The following PHF24 variants were observed in gnomAD, a reference collection of about 807,000 sequenced individuals.
PHF24 encodes the protein Galpha inhibitory interacting protein.
In PHF24, 25 loss-of-function variants were observed where a neutral mutation model predicts 42.6. The observed-to-expected ratio is 0.59, with a 90% CI of 0.43 to 0.82. PHF24 has a LOEUF of 0.82. PHF24 is among the 40% of genes least tolerant of loss of function. PHF24 has a pLI of 0.00. For synonymous variants in PHF24, 185 were observed against 204.8 expected, an observed-to-expected ratio of 0.90 and a Z score of 0.83; for missense variants, 470 against 538.1, an observed-to-expected ratio of 0.87 and a Z score of 1.25.
the PHF24 span, among the ~76,000 whole-genome samples, chr9:34,727,870 C>T: frequency 6.6e-6 from 1 of 152,326 alleles, no homozygotes. Context: ...CCCCACTCTT[C>T]CCTGGCAACC....
At chr9:34,810,037 C>T in the PHF24 span, among the ~76,000 whole-genome samples, 1 of 151,384 alleles carries the variant, frequency 6.6e-6, no homozygotes, top group African/African-American at 2.4e-5. Flanking sequence ...CCGCCCACGC[C>T]TCAACTCGGC....
chr9:34,708,112 C>T, the PHF24 span, among the ~76,000 whole-genome samples: 1 of 152,108 alleles, frequency 6.6e-6, no homozygotes, highest in African/African-American at 2.4e-5. Flanking sequence ...ATGGCTTCTA[C>T]TCTCCCCGCC....
At chr9:34,900,054 T>G in the PHF24 span, among the ~76,000 whole-genome samples, 1 of 152,126 alleles carries the variant, frequency 6.6e-6, no homozygotes, top group East Asian at 1.9e-4. Context: ...CACTCAAAAT[T>G]TGATTGAATT....
the PHF24 span, among the ~76,000 whole-genome samples, chr9:34,768,621 G>T: frequency 1.3e-5 from 2 of 152,150 alleles, no homozygotes; most frequent in African/African-American, 4.8e-5. Flanking sequence ...GCGTACGTTG[G>T]TGGCTATAAT....
chr9:34,890,669 C>T, the PHF24 span, among the ~76,000 whole-genome samples: 12 of 152,208 alleles, frequency 7.9e-5, no homozygotes. Context: ...CTTTAGACTC[C>T]TAAAGGATCC....
the PHF24 span, among the ~76,000 whole-genome samples, chr9:34,676,264 C>T: frequency 6.6e-6 from 1 of 152,204 alleles, no homozygotes; most frequent in Non-Finnish European, 1.5e-5. Context: ...TGGCTCATGC[C>T]TGTAATCCCA....
chr9:34,829,291 G>C, the PHF24 span, among the ~76,000 whole-genome samples: 2 of 152,266 alleles, frequency 1.3e-5, no homozygotes, highest in African/African-American at 4.8e-5. Context: ...ATGGATGATG[G>C]TGGTGGGTGG....
the PHF24 span, among the ~76,000 whole-genome samples, chr9:34,884,832 C>T: frequency 1.1e-4 from 16 of 152,182 alleles, no homozygotes; most frequent in Non-Finnish European, 2.4e-4. Flanking sequence ...CTTCTGCACT[C>T]AGCATATTCT....
the PHF24 span, among the ~76,000 whole-genome samples, chr9:34,846,762 G>C: frequency 6.6e-6 from 1 of 152,140 alleles, no homozygotes; most frequent in Non-Finnish European, 1.5e-5. Flanking sequence ...AATCCATCTT[G>C]AATTAATTTT....
chr9:34,971,841 A>G (rs1827000316), intron 2 of PHF24, among the ~76,000 whole-genome samples, 165 bp downstream of exon 2: 1 of 152,190 alleles, frequency 6.6e-6, no homozygotes, highest in South Asian at 2.1e-4. Context: ...TATATCCTGG[A>G]TTCATCTTAG....
chr9:34,904,694 T>C, the PHF24 span, among the ~76,000 whole-genome samples: 1 of 150,228 alleles, frequency 6.7e-6, no homozygotes, highest in Non-Finnish European at 1.5e-5. Flanking sequence ...TCTTTTTTGG[T>C]TATGTCCTTT....
chr9:34,895,112 A>G, the PHF24 span: 3 of 398,408 alleles, frequency 7.5e-6, no homozygotes, highest in Admixed American at 4.4e-5. Flanking sequence ...TAGAATGCAA[A>G]GCTGCTACAC....
chr9:34,741,904 G>T, the PHF24 span, among the ~76,000 whole-genome samples: 5 of 152,016 alleles, frequency 3.3e-5, no homozygotes, highest in African/African-American at 1.2e-4. Context: ...TAAATGGGGG[G>T]GTGGGGAGAG....
At chr9:34,883,129 A>C in the PHF24 span, among the ~76,000 whole-genome samples, 6 of 152,374 alleles carry the variant, frequency 3.9e-5, no homozygotes, top group East Asian at 7.7e-4. Flanking sequence ...TTCCCTATTT[A>C]ATAGATGGTG....
At chr9:34,723,785 G>A in the PHF24 span, 15 of 1,551,710 alleles carry the variant, frequency 9.7e-6, no homozygotes, top group Non-Finnish European at 1.2e-5. Context: ...AGGAATTGTC[G>A]CTGGTTCAAG....
chr9:34,886,436 G>T, the PHF24 span, among the ~76,000 whole-genome samples: 47 of 152,162 alleles, frequency 3.1e-4, no homozygotes, highest in African/African-American at 1.1e-3. Context: ...AGGGTCATTA[G>T]TGATCTTTAT....
chr9:34,903,756 T>G, the PHF24 span, among the ~76,000 whole-genome samples: 2 of 152,170 alleles, frequency 1.3e-5, no homozygotes. Flanking sequence ...GTTCCACTCA[T>G]GACCCTTTTG....
chr9:34,714,341 T>C, the PHF24 span, among the ~76,000 whole-genome samples: 1 of 152,008 alleles, frequency 6.6e-6, no homozygotes, highest in Non-Finnish European at 1.5e-5. Context: ...ACTAAGAAAG[T>C]AGTGAGCAGC....
At chr9:34,932,549 C>T in the PHF24 span, among the ~76,000 whole-genome samples, 5 of 152,168 alleles carry the variant, frequency 3.3e-5, no homozygotes, top group African/African-American at 9.7e-5. Context: ...AATAGATCCT[C>T]AGTAAATGTG....
Sources: gnomAD v4.1 joint callset for allele counts (sites outside exome capture counted in the v4.1 genomes callset) on GRCh38, gnomAD v4.1.1 for gene constraint, MANE v1.5 for transcripts, NCBI Gene and HGNC (gene_info 2026-07-23, HGNC 2026-07-21) for gene names.